The following IL34 variants were observed in gnomAD, a reference collection of about 807,000 sequenced individuals.
IL34 encodes interleukin 34.
A neutral mutation model predicts 25.3 loss-of-function variants in IL34; 17 were observed. The ratio of observed to expected loss-of-function variants is 0.67; its 90% confidence interval spans 0.46 to 1.01. The LOEUF is 1.01. IL34 is among the 50% of genes least tolerant of loss of function. IL34 has a pLI of 0.00. For synonymous variants in IL34, 174 were observed against 140.9 expected (o/e 1.23, Z -1.66); for missense variants, 368 against 312.9 (o/e 1.18, Z -1.33).
At chr16:70,643,267 T>C (rs923627457), upstream of IL34, among the ~76,000 whole-genome samples, 1 of 152,232 alleles carries the variant, frequency 6.6e-6, no homozygotes, top group African/African-American at 2.4e-5. Flanking sequence ...TTTTGCCATA[T>C]TGGCCAGGCT....
chr16:70,581,716 C>T (rs2050637461), intron 1 of IL34, among the ~76,000 whole-genome samples: 2 of 152,180 alleles, frequency 1.3e-5, no homozygotes. Context: ...TATGCAGTAG[C>T]TGCCTGACCA....
At chr16:70,621,850 T>G (rs2051290083) in intron 1 of IL34, among the ~76,000 whole-genome samples, 1 of 151,804 alleles carries the variant, frequency 6.6e-6, no homozygotes, top group African/African-American at 2.4e-5. Context: ...TGAGCCAGGA[T>G]GAGCCAGGAG....
At chr16:70,654,468 C>A (rs921431311) in intron 1 of IL34, 70 bp from the exon 2 acceptor site, 12 of 1,525,240 alleles carry the variant, frequency 7.9e-6, no homozygotes, top group African/African-American at 5.5e-5. Flanking sequence ...TTGTGCTCGG[C>A]TTTGCGTGTT....
intron 1 of IL34, among the ~76,000 whole-genome samples, chr16:70,636,953 C>T (rs536993556): frequency 1.3e-5 from 2 of 151,878 alleles, no homozygotes; most frequent in East Asian, 3.9e-4. Context: ...AATCTCGGCT[C>T]ACTGCAAGTT....
chr16:70,631,707 T>G (rs1054823239), intron 1 of IL34, among the ~76,000 whole-genome samples: 2 of 152,156 alleles, frequency 1.3e-5, no homozygotes, highest in Non-Finnish European at 2.9e-5. Flanking sequence ...TCTTGGTCAC[T>G]GGAGAATATG....
chr16:70,635,534 G>T (rs965671860), intron 1 of IL34, among the ~76,000 whole-genome samples: 2 of 152,162 alleles, frequency 1.3e-5, no homozygotes, highest in Non-Finnish European at 2.9e-5. Context: ...GGAGGTCAGA[G>T]GTCAGAGGTC....
At chr16:70,614,199 G>T (rs200358285) in intron 1 of IL34, among the ~76,000 whole-genome samples, 26 of 121,936 alleles carry the variant, frequency 2.1e-4, no homozygotes, top group African/African-American at 6.9e-4. Flanking sequence ...AAAAAAAAAA[G>T]AAGTGCAGTA....
At chr16:70,655,264 G>A (rs902709653) in intron 2 of IL34, among the ~76,000 whole-genome samples, 1 of 151,606 alleles carries the variant, frequency 6.6e-6, no homozygotes, top group African/African-American at 2.4e-5. Context: ...TGTTAGTCAG[G>A]ATGGTCTCCA....
At position 70,613,432 on chromosome 16, in the gene IL34, G is replaced by A. The variant is rs2051121717; in HGVS notation, c.-400-33116G>A. The stretch of plus-strand genomic sequence containing the variant: ...GCCTCACCTGGTCTCCACCCTTACT[G>A]TACAAGTGCCCTTGGCAAGTCACTT... On this transcript the variant is annotated intron_variant, in intron 1 of 6. Transcript: ENST00000429149. Among the ~76,000 whole-genome samples, 4 of 152,292 alleles carry A rather than the reference G, an allele frequency of 2.6e-5. No homozygotes were observed. The South Asian group carries it at 8.3e-4, about 32-fold the overall frequency.
chr16:70,609,579 C>T (rs1340148419), intron 1 of IL34, among the ~76,000 whole-genome samples: 1 of 152,160 alleles, frequency 6.6e-6, no homozygotes, highest in Non-Finnish European at 1.5e-5. Context: ...TGGCACAGCG[C>T]CTGGCACCTG....
Position 70,659,662 on chromosome 16 carries a change from G to C in IL34, c.447G>C (p.Leu149Phe). 1 of 1,613,122 alleles carries C rather than the reference G, an allele frequency of 6.2e-7. No individual in the cohort carries two copies. The highest frequency in any genetic ancestry group is 8.5e-7 in the Non-Finnish European group (1 of 1,179,578). Residue 149 changes from leucine to phenylalanine, a missense_variant, in exon 5 of 6, where the codon TTG (leucine) becomes TTC (phenylalanine). Physicochemically the swap from Leu to Phe is conservative, Grantham distance 22. Transcript: ENST00000288098. ...SPKVESVLSL[L>F]NAPGPNLKLV... ...AGGTGGAATCCGTGTTGTCCCTCTT[G>C]AATGCCCCAGGGCCAAACCTGAAGC...
intron 4 of IL34, among the ~76,000 whole-genome samples, chr16:70,657,629 G>T (rs1393007506): frequency 2.0e-5 from 3 of 152,076 alleles, no homozygotes; most frequent in African/African-American, 7.2e-5. Context: ...ACAAAAATAA[G>T]CCAGTCCTGG....
At chr16:70,608,490 G>A (rs1428916328) in intron 1 of IL34, among the ~76,000 whole-genome samples, 1 of 152,202 alleles carries the variant, frequency 6.6e-6, no homozygotes, top group African/African-American at 2.4e-5. Context: ...TAGGAGATTA[G>A]GATACAGGGA....
intron 1 of IL34, among the ~76,000 whole-genome samples, chr16:70,624,932 A>G (rs1273440375): frequency 6.6e-6 from 1 of 151,888 alleles, no homozygotes; most frequent in African/African-American, 2.4e-5. Context: ...GAAAGAAGGA[A>G]GATTTGGTAC....
At chr16:70,587,067 G>A (rs2050703402) in intron 1 of IL34, among the ~76,000 whole-genome samples, 1 of 152,192 alleles carries the variant, frequency 6.6e-6, no homozygotes, top group Non-Finnish European at 1.5e-5. Context: ...GGTCAAGTAG[G>A]TCAGGGGGAT....
chr16:70,634,908 A>T (rs1022531308), intron 1 of IL34, among the ~76,000 whole-genome samples: 4 of 95,846 alleles, frequency 4.2e-5, no homozygotes, highest in African/African-American at 3.7e-4. Context: ...TGCTGCACAG[A>T]TCAGCAGTTC....
chr16:70,633,988 T>A (rs928278920), intron 1 of IL34, among the ~76,000 whole-genome samples: 13 of 152,052 alleles, frequency 8.5e-5, no homozygotes, highest in Admixed American at 1.3e-4. Context: ...GTAGCTGGAA[T>A]TACAGGCGTG....
intron 1 of IL34, among the ~76,000 whole-genome samples, chr16:70,616,121 T>C (rs2051168989): frequency 2.0e-5 from 3 of 152,244 alleles, no homozygotes; most frequent in Non-Finnish European, 4.4e-5. Context: ...ATGCAGGTTA[T>C]ACCATCTGCT....
chr16:70,659,861 C>A, intron 5 of IL34, 108 bp downstream of exon 5: 1 of 1,490,628 alleles, frequency 6.7e-7, no homozygotes, highest in Non-Finnish European at 9.0e-7. Flanking sequence ...CTCTGCTCCC[C>A]GGGGCTACAA....
Sources: allele counts gnomAD v4.1 joint callset (sites outside exome capture counted in the v4.1 genomes callset), GRCh38; gene constraint gnomAD v4.1.1; transcripts MANE v1.5; gene names NCBI Gene and HGNC (gene_info 2026-07-23, HGNC 2026-07-21).